Variants in KCNQ3 observed in about 807,000 individuals in gnomAD.
KCNQ3 encodes potassium voltage-gated channel subfamily Q member 3.
A neutral mutation model predicts 92.5 loss-of-function variants in KCNQ3; 30 were observed. The ratio of observed to expected loss-of-function variants is 0.32; its 90% confidence interval spans 0.24 to 0.44. The LOEUF (loss-of-function observed/expected upper bound fraction) is 0.44. Ranked by LOEUF, KCNQ3 falls within the 20% of genes least tolerant of loss-of-function variation. The pLI is 1.00. For synonymous variants in KCNQ3, 450 were observed against 468.8 expected, an observed-to-expected ratio of 0.96 and a Z score of 0.52; for missense variants, 913 against 1,140.3, an observed-to-expected ratio of 0.80 and a Z score of 2.87.
chr8:132,204,821 A>C (rs1813605777), intron 1 of KCNQ3, among the ~76,000 whole-genome samples: 1 of 152,212 alleles, frequency 6.6e-6, no homozygotes, highest in African/African-American at 2.4e-5. Context: ...CTGCTATTCA[A>C]GTGCAAATGA....
At chr8:132,209,524 T>G (rs905384574) in intron 1 of KCNQ3, among the ~76,000 whole-genome samples, 5 of 145,690 alleles carry the variant, frequency 3.4e-5, no homozygotes, top group Non-Finnish European at 6.0e-5. Flanking sequence ...TGTACGTAAT[T>G]CACACCACAC....
chr8:132,373,605 T>G (rs1035460266), intron 1 of KCNQ3, among the ~76,000 whole-genome samples: 1 of 152,156 alleles, frequency 6.6e-6, no homozygotes, highest in African/African-American at 2.4e-5. Flanking sequence ...GTCACCTAGC[T>G]AACCAGCGTA....
At chr8:132,355,477 G>A (rs1211124533) in intron 1 of KCNQ3, among the ~76,000 whole-genome samples, 1 of 152,002 alleles carries the variant, frequency 6.6e-6, no homozygotes, top group Non-Finnish European at 1.5e-5. Context: ...ATTGGTCCAG[G>A]GATTGACATG....
At chr8:132,408,713 G>A (rs1820565375) in intron 1 of KCNQ3, among the ~76,000 whole-genome samples, 1 of 152,182 alleles carries the variant, frequency 6.6e-6, no homozygotes, top group Admixed American at 6.5e-5. Flanking sequence ...CATAAAAGAG[G>A]TCAGAGAGTC....
chr8:132,428,135 C>T (rs1417765682), intron 1 of KCNQ3, among the ~76,000 whole-genome samples: 2 of 152,142 alleles, frequency 1.3e-5, no homozygotes, highest in Admixed American at 6.5e-5. Context: ...TGCACCTCTG[C>T]TCTCTCAATA....
chr8:132,137,731 T>A (rs973901638), intron 12 of KCNQ3, among the ~76,000 whole-genome samples, 154 bp downstream of exon 12: 4 of 152,172 alleles, frequency 2.6e-5, no homozygotes, highest in Non-Finnish European at 5.9e-5. Flanking sequence ...ATCTGGTGCT[T>A]TGTTGGCCTA....
chr8:132,226,335 T>G (rs1458692036), intron 1 of KCNQ3, among the ~76,000 whole-genome samples: 1 of 151,844 alleles, frequency 6.6e-6, no homozygotes, highest in Admixed American at 6.6e-5. Flanking sequence ...CACATGAGAA[T>G]TAAATACCAC....
intron 1 of KCNQ3, among the ~76,000 whole-genome samples, chr8:132,464,340 T>A (rs976883244): frequency 3.3e-5 from 5 of 152,238 alleles, no homozygotes; most frequent in African/African-American, 1.2e-4. Context: ...CTTATGTCCA[T>A]GTCTGCTTAT....
chr8:132,155,036 G>T (rs1825760603), intron 9 of KCNQ3, among the ~76,000 whole-genome samples: 1 of 152,138 alleles, frequency 6.6e-6, no homozygotes, highest in African/African-American at 2.4e-5. Context: ...GGTCTTCAGT[G>T]GATTCTTCCC....
chr8:132,400,725 C>G lies in KCNQ3; in HGVS notation c.386+79422G>C, dbSNP rs537988713. Among the ~76,000 whole-genome samples, 4 of 152,328 alleles carry G rather than the reference C, an allele frequency of 2.6e-5. No individual in the cohort carries two copies. The South Asian group carries it at 6.2e-4, about 24-fold the overall frequency. ...GTGGGGAGGGAATAGTGGGAAACAG[C>G]GTATAAAGAATCAGAGTGGTGAGGC... is the stretch of plus-strand genomic sequence containing the variant. On this transcript the variant is annotated intron_variant, in intron 1 of 14. Coordinates refer to ENST00000388996, the MANE Select transcript of KCNQ3 (RefSeq NM_004519.4).
intron 1 of KCNQ3, among the ~76,000 whole-genome samples, chr8:132,272,134 T>C (rs1257769984): frequency 6.6e-6 from 1 of 152,248 alleles, no homozygotes; most frequent in South Asian, 2.1e-4. Flanking sequence ...TTAACCTCTC[T>C]GAGCCTCAGT....
At chr8:132,470,167 T>C (rs965328673) in intron 1 of KCNQ3, among the ~76,000 whole-genome samples, 14 of 152,168 alleles carry the variant, frequency 9.2e-5, no homozygotes, top group South Asian at 2.1e-4. Flanking sequence ...GCAGAATCCA[T>C]GAATCCAAGA....
rs886062693 is a variant in KCNQ3 at position 132,480,388 on chromosome 8, C to T, written c.145G>A (p.Asp49Asn). Residue 49 changes from aspartate to asparagine, a missense_variant, in exon 1 of 15, where the codon GAC becomes AAC. Coordinates refer to ENST00000388996, the MANE Select transcript of KCNQ3 (RefSeq NM_004519.4). ...EERKVGLAPG[D>N]VEQVTLALGA... The stretch of plus-strand genomic sequence containing the variant: ...AGCGCCAAGGTGACTTGCTCCACGT[C>T]GCCGGGCGCCAGCCCCACTTTCCGC... 2 of 1,556,182 alleles carry T rather than the reference C, an allele frequency of 1.3e-6. No homozygotes were observed. The highest frequency in any genetic ancestry group is 1.7e-6 in the Non-Finnish European group (2 of 1,159,682).
intron 1 of KCNQ3, among the ~76,000 whole-genome samples, chr8:132,301,846 G>A (rs1202463833): frequency 3.3e-5 from 5 of 152,152 alleles, no homozygotes; most frequent in African/African-American, 9.7e-5. Context: ...CAGAAAGTTG[G>A]CTCTGTGAAT....
Position 132,122,041 on chromosome 8 carries a change from G to A in KCNQ3, c.*7221C>T, listed in dbSNP as rs2436124. 0.21 allele frequency: 31,412 copies of A among 152,204 alleles called. 3,755 individuals are homozygous for A. Among genetic ancestry groups the A allele is most frequent in the Middle Eastern group, 0.31 (90 of 294 alleles). 9.4% of individuals were successfully genotyped at this position (152,204 alleles called of 1,614,324 possible). A position where few individuals can be genotyped will look rare whatever the true frequency, so the allele number is the denominator to read the frequency against. On this transcript the variant is annotated 3_prime_UTR_variant, in exon 15 of 15. Coordinates refer to ENST00000388996, the MANE Select transcript of KCNQ3 (RefSeq NM_004519.4). ...TCTGTGATCATTTTACTGTAAAGCT[G>A]AGTGAACGTAGAAGCCCGAAGCATT...
At chr8:132,348,473 T>C (rs965184471) in intron 1 of KCNQ3, among the ~76,000 whole-genome samples, 2 of 152,236 alleles carry the variant, frequency 1.3e-5, no homozygotes, top group Non-Finnish European at 2.9e-5. Flanking sequence ...CAGAACTTTC[T>C]GTGATGGGAG....
In KCNQ3 at chr8:132,421,083, TCATA is replaced by T. The variant is rs1472044580; in HGVS notation, c.386+59060_386+59063del. Among the ~76,000 whole-genome samples the T allele has an allele frequency of 2.0e-5, 3 of 152,214 alleles. No individual in the cohort carries two copies. The East Asian group carries it at 5.8e-4, about 29-fold the overall frequency. ...GGGCAGAGGTGAATGTTTAAACGGC[TCATA>T]CAGTCAACCTGCAAACATTAGGAGG... On this transcript the variant is annotated intron_variant, in intron 1 of 14. Coordinates refer to ENST00000388996, the MANE Select transcript of KCNQ3 (RefSeq NM_004519.4).
At chr8:132,171,059 A>T (rs1230093698) in intron 7 of KCNQ3, among the ~76,000 whole-genome samples, 1 of 151,898 alleles carries the variant, frequency 6.6e-6, no homozygotes, top group Non-Finnish European at 1.5e-5. Context: ...AATAAACAGA[A>T]ACAAGTGCCA....
At chr8:132,424,791 T>G (rs1271394475) in intron 1 of KCNQ3, among the ~76,000 whole-genome samples, 3 of 152,178 alleles carry the variant, frequency 2.0e-5, no homozygotes, top group African/African-American at 7.2e-5. Flanking sequence ...TCTGACTACA[T>G]AACTCTAATT....
Sources: allele counts gnomAD v4.1 joint callset (sites outside exome capture counted in the v4.1 genomes callset), GRCh38; gene constraint gnomAD v4.1.1; transcripts MANE v1.5; gene names NCBI Gene and HGNC (gene_info 2026-07-23, HGNC 2026-07-21).